The following GRM7 variants were observed in gnomAD, a reference collection of about 807,000 sequenced individuals.
GRM7 encodes metabotropic glutamate receptor 7.
Under a neutral mutation model 84.5 loss-of-function variants are expected in GRM7, and 35 were observed. The ratio of observed to expected loss-of-function variants is 0.41; its 90% CI spans 0.32 to 0.55. The LOEUF (loss-of-function observed/expected upper bound fraction) is 0.55, where lower values mean the gene tolerates loss of function less well. Ranked by LOEUF, GRM7 falls within the 20% of genes least tolerant of loss-of-function variation. The pLI is 0.19. For missense variants in GRM7, 1,003 were observed against 1,194.6 expected, an observed-to-expected ratio of 0.84 and a Z score of 2.36; for synonymous variants, 487 against 455.1, an observed-to-expected ratio of 1.07 and a Z score of -0.89.
rs184323169 is a variant in GRM7 at position 7,244,560 on chromosome 3, G to A, written c.737-54124G>A. The stretch of plus-strand genomic sequence containing the variant: ...CCACCAAGTTAGAAGGATTTGGTAA[G>A]CACCTTATTTTAAACTCCAGAAGTA... On this transcript the variant is annotated intron_variant, in intron 2 of 9. Transcript: ENST00000357716. Among the ~76,000 whole-genome samples, 9 of 152,162 alleles carry A rather than the reference G, an allele frequency of 5.9e-5. No individual in the cohort carries two copies. In the East Asian group the frequency reaches 1.7e-3, roughly 29 times the overall value.
At chr3:7,238,726 ATTCTTTTCTTTTTT>A (rs1462900998) in intron 2 of GRM7, among the ~76,000 whole-genome samples, 3 of 150,556 alleles carry the variant, frequency 2.0e-5, no homozygotes, top group East Asian at 2.0e-4. Flanking sequence ...AGCCCTTTCT[ATTCTTTTCTTTTTT>A]TTCTTTTCTT....
intron 2 of GRM7, among the ~76,000 whole-genome samples, chr3:7,216,415 A>G (rs556234339): frequency 5.9e-5 from 9 of 152,332 alleles, no homozygotes; most frequent in African/African-American, 2.2e-4. Context: ...GGGAGATTTT[A>G]AAACATATTT....
At chr3:7,651,460 G>A (rs765570741) in intron 8 of GRM7, among the ~76,000 whole-genome samples, 4 of 152,174 alleles carry the variant, frequency 2.6e-5, no homozygotes, top group South Asian at 2.1e-4. Context: ...TTGCTGGACC[G>A]AAGAGGTAAA....
chr3:7,156,265 G>A (rs1490865551), intron 2 of GRM7, among the ~76,000 whole-genome samples: 1 of 152,144 alleles, frequency 6.6e-6, no homozygotes, highest in Non-Finnish European at 1.5e-5. Flanking sequence ...GGAGAGGATG[G>A]TCCTAGTAAT....
intron 1 of GRM7, among the ~76,000 whole-genome samples, chr3:6,964,335 T>C (rs1195685122): frequency 6.6e-6 from 1 of 152,156 alleles, no homozygotes; most frequent in South Asian, 2.1e-4. Context: ...CTTATCATTG[T>C]ATCCTCACTT....
At chr3:6,871,216 CTA>C (rs1156416302) in intron 1 of GRM7, among the ~76,000 whole-genome samples, 1 of 152,076 alleles carries the variant, frequency 6.6e-6, no homozygotes, top group Non-Finnish European at 1.5e-5. Context: ...TTTCAGTTTC[CTA>C]TGTTTCTCCC....
intron 9 of GRM7, among the ~76,000 whole-genome samples, chr3:7,738,628 T>G (rs537855002): frequency 6.6e-6 from 1 of 152,328 alleles, no homozygotes; most frequent in African/African-American, 2.4e-5. Context: ...TCATTTTTGT[T>G]TTTACTAGAC....
chr3:6,999,012 G>A (rs998717514), intron 1 of GRM7, among the ~76,000 whole-genome samples: 4 of 152,210 alleles, frequency 2.6e-5, no homozygotes, highest in African/African-American at 7.2e-5. Flanking sequence ...TTCTGGAGCA[G>A]GCTTGAAATT....
At chr3:6,955,839 C>G (rs1693024441) in intron 1 of GRM7, among the ~76,000 whole-genome samples, 1 of 69,614 alleles carries the variant, frequency 1.4e-5, no homozygotes, top group Admixed American at 1.3e-4. Flanking sequence ...GAGACTCTAT[C>G]TCAAAAAAAA....
At chr3:7,454,119 C>CTCTCTCTCTCTA (rs1697906641) in intron 6 of GRM7, among the ~76,000 whole-genome samples, 5 of 151,968 alleles carry the variant, frequency 3.3e-5, no homozygotes, top group African/African-American at 1.2e-4. Flanking sequence ...CTCTCTCTCT[C>CTCTCTCTCTCTA]TCTCTCTCTC....
intron 3 of GRM7, among the ~76,000 whole-genome samples, chr3:7,306,075 C>G (rs1281911298): frequency 6.6e-6 from 1 of 152,022 alleles, no homozygotes; most frequent in African/African-American, 2.4e-5. Flanking sequence ...TATTGCTTTT[C>G]AGAGATAGTG....
At chr3:7,133,558 G>A (rs1433515327) in intron 1 of GRM7, among the ~76,000 whole-genome samples, 1 of 152,202 alleles carries the variant, frequency 6.6e-6, no homozygotes, top group Non-Finnish European at 1.5e-5. Context: ...GCTCTACAGA[G>A]ATTTGACATT....
At chr3:7,265,323 A>T (rs924661735) in intron 2 of GRM7, among the ~76,000 whole-genome samples, 2 of 152,246 alleles carry the variant, frequency 1.3e-5, no homozygotes, top group Admixed American at 6.5e-5. Flanking sequence ...GAAAATGCAT[A>T]TAATGCCTAC....
At chr3:7,094,829 T>G (rs145158880) in intron 1 of GRM7, among the ~76,000 whole-genome samples, 1 of 152,300 alleles carries the variant, frequency 6.6e-6, no homozygotes, top group African/African-American at 2.4e-5. Flanking sequence ...ACTTAGCATA[T>G]AGCCTAGTAT....
chr3:7,378,656 G>C (rs1455561038), intron 4 of GRM7, among the ~76,000 whole-genome samples: 1 of 152,064 alleles, frequency 6.6e-6, no homozygotes, highest in Non-Finnish European at 1.5e-5. Context: ...CCAGTTGTGT[G>C]TTTGGATAAT....
At chr3:7,397,710 A>T (rs1165657051) in intron 4 of GRM7, among the ~76,000 whole-genome samples, 2 of 152,318 alleles carry the variant, frequency 1.3e-5, no homozygotes, top group African/African-American at 2.4e-5. Flanking sequence ...ACTAAAAATT[A>T]AAAAGCATTA....
chr3:6,876,785 A>G (rs1381169625), intron 1 of GRM7, among the ~76,000 whole-genome samples: 1 of 151,928 alleles, frequency 6.6e-6, no homozygotes, highest in Non-Finnish European at 1.5e-5. Context: ...TATTTTTAAT[A>G]GAGACGGGGT....
At chr3:7,454,771 A>G (rs1487665894) in intron 6 of GRM7, among the ~76,000 whole-genome samples, 1 of 152,160 alleles carries the variant, frequency 6.6e-6, no homozygotes, top group Non-Finnish European at 1.5e-5. Flanking sequence ...TACAATATGT[A>G]TGGTTTTTAA....
intron 7 of GRM7, among the ~76,000 whole-genome samples, chr3:7,546,785 GT>G (rs1693177106): frequency 1.3e-5 from 2 of 151,776 alleles, no homozygotes; most frequent in South Asian, 4.2e-4. Flanking sequence ...AAGAGCATTT[GT>G]TTTGGTTCCT....
Sources: allele counts gnomAD v4.1 joint callset (sites outside exome capture counted in the v4.1 genomes callset), GRCh38; gene constraint gnomAD v4.1.1; transcripts MANE v1.5; gene names NCBI Gene and HGNC (gene_info 2026-07-23, HGNC 2026-07-21).